Variants in CYSLTR1 observed in about 807,000 individuals in gnomAD.
CYSLTR1 encodes the protein cysteinyl leukotriene receptor 1.
A neutral mutation model predicts 2.1 loss-of-function variants in CYSLTR1; 1 was observed. The observed-to-expected ratio is 0.48, with a 90% CI of 0.17 to 2.28. CYSLTR1 has a LOEUF of 2.28. CYSLTR1 is among the 30% of genes most tolerant of loss of function. The probability of loss-of-function intolerance (pLI) is 0.26; values close to 1 mark genes in which losing one functional copy is unlikely to be tolerated. For synonymous variants in CYSLTR1, 110 were observed against 89.6 expected (o/e 1.23, Z -1.28); for missense variants, 299 against 250.1 (o/e 1.20, Z -1.32).
intron 1 of CYSLTR1, among the ~76,000 whole-genome samples, chrX:78,302,622 T>A (rs1922866074): frequency 1.8e-5 from 2 of 110,737 alleles, no homozygotes; most frequent in Admixed American, 9.6e-5. Context: ...AAGAGGTCTT[T>A]AGGTATTAGG....
At chrX:78,288,960 TTTC>T (rs1488685593) in intron 1 of CYSLTR1, among the ~76,000 whole-genome samples, 1 of 48,360 alleles carries the variant, frequency 2.1e-5, no homozygotes, top group Non-Finnish European at 5.3e-5. Context: ...ACATGCAATG[TTTC>T]TTTTTTTTTT....
chrX:78,320,964 T>G (rs1923629675), intron 1 of CYSLTR1: 1 of 111,714 alleles, frequency 9.0e-6, no homozygotes, highest in African/African-American at 3.3e-5. Context: ...TCACACCCAT[T>G]TAGACAGTAA....
At chrX:78,315,892 C>A (rs1923397774) in intron 1 of CYSLTR1, among the ~76,000 whole-genome samples, 1 of 111,737 alleles carries the variant, frequency 8.9e-6, no homozygotes, top group Admixed American at 9.4e-5. Flanking sequence ...GATTATAGAT[C>A]CCCAGGGCCT....
intron 1 of CYSLTR1, chrX:78,319,585 G>A (rs1266251534): frequency 9.0e-6 from 1 of 110,836 alleles, no homozygotes; most frequent in Non-Finnish European, 1.9e-5. Context: ...ATGTGTGCAT[G>A]TGTCTTTATA....
At chrX:78,322,635 C>G (rs765761401) in intron 1 of CYSLTR1, among the ~76,000 whole-genome samples, 4 of 112,031 alleles carry the variant, frequency 3.6e-5, no homozygotes, top group Non-Finnish European at 7.5e-5. Context: ...ATGATCCTTC[C>G]GTCTGTGATC....
chrX:78,272,928 C>A lies in CYSLTR1; in HGVS notation c.819G>T (p.Met273Ile). The change falls in exon 3 of 3, where the codon ATG becomes ATT. Residue 273 changes from methionine (M) to isoleucine (I), a missense_variant. Met to Ile is a conservative substitution (Grantham distance 10). Coordinates refer to ENST00000373304, the MANE Select transcript of CYSLTR1 (RefSeq NM_006639.4). ...ACAAGGTTATGACCACGGACTTCTGCATTCTAAGGACAGAATCACAGGGTT... is the reference window on the plus strand; with the variant it reads ...ACAAGGTTATGACCACGGACTTCTGAATTCTAAGGACAGAATCACAGGGTT... The part of the protein sequence containing the change: ...ETKPCDSVLR[M>I]QKSVVITLSL... 8.3e-7 allele frequency: 1 copy of A among 1,211,034 alleles called. No individual in the cohort carries two copies.
At position 78,272,570 on chromosome X, in the gene CYSLTR1, A is replaced by G; in HGVS notation, c.*163T>C. 2 of 436,739 alleles carry G rather than the reference A, an allele frequency of 4.6e-6. No individual in the cohort carries two copies. The highest frequency in any genetic ancestry group is 8.8e-5 in the East Asian group (2 of 22,808). 36.0% of individuals were successfully genotyped at this position (436,739 alleles called of 1,213,427 possible). A position where few individuals can be genotyped will look rare whatever the true frequency, so the allele number is the denominator to read the frequency against. On this transcript the variant is annotated 3_prime_UTR_variant, in exon 3 of 3. Transcript: ENST00000373304. Reference sequence around the variant, plus strand: ...ATTTTTAGCACTTAAAATATCTATAAATATCTAATCATGTGGATGCATAAA... The same window carrying G: ...ATTTTTAGCACTTAAAATATCTATAGATATCTAATCATGTGGATGCATAAA...
At chrX:78,310,329 A>T (rs1269280677) in intron 1 of CYSLTR1, among the ~76,000 whole-genome samples, 1 of 111,586 alleles carries the variant, frequency 9.0e-6, no homozygotes, top group Non-Finnish European at 1.9e-5. Flanking sequence ...CATTTTAGGG[A>T]TGGCAAAATG....
At chrX:78,293,195 T>A (rs1424920733) in intron 1 of CYSLTR1, among the ~76,000 whole-genome samples, 1 of 109,870 alleles carries the variant, frequency 9.1e-6, no homozygotes, top group East Asian at 2.8e-4. Flanking sequence ...TCTCTCAGCA[T>A]TTGCTTGTCT....
intron 1 of CYSLTR1, among the ~76,000 whole-genome samples, chrX:78,300,509 C>T (rs749134018): frequency 1.8e-5 from 2 of 112,902 alleles, no homozygotes; most frequent in Non-Finnish European, 3.7e-5. Flanking sequence ...TAGGGGGCAC[C>T]CCAAGCCCAG....
At chrX:78,276,144 T>C (rs1921579834) in intron 2 of CYSLTR1, among the ~76,000 whole-genome samples, 1 of 111,826 alleles carries the variant, frequency 8.9e-6, no homozygotes, top group Admixed American at 9.5e-5. Flanking sequence ...ATTTCTCTTA[T>C]AGGAAGGATT....
chrX:78,288,343 G>A (rs1040294924), intron 1 of CYSLTR1, among the ~76,000 whole-genome samples: 1 of 112,141 alleles, frequency 8.9e-6, no homozygotes. Context: ...AGTGTCTCCA[G>A]GTAGTCCCCA....
chrX:78,288,345 TA>T (rs778525913), intron 1 of CYSLTR1, among the ~76,000 whole-genome samples: 25 of 112,383 alleles, frequency 2.2e-4, no homozygotes, highest in Middle Eastern at 4.6e-3. Context: ...TGTCTCCAGG[TA>T]GTCCCCAGAC....
At chrX:78,284,908 T>C (rs2149186017) in intron 1 of CYSLTR1, among the ~76,000 whole-genome samples, 1 of 111,529 alleles carries the variant, frequency 9.0e-6, no homozygotes, top group Admixed American at 9.5e-5. Flanking sequence ...TTAGATCTTC[T>C]CCACTTTCTT....
intron 1 of CYSLTR1, among the ~76,000 whole-genome samples, chrX:78,287,461 G>A (rs1284216693): frequency 9.0e-6 from 1 of 111,622 alleles, no homozygotes; most frequent in Admixed American, 9.6e-5. Flanking sequence ...GGTGGTGAAA[G>A]TGTTCTAAAA....
At chrX:78,284,404 T>C (rs1206814502) in intron 1 of CYSLTR1, among the ~76,000 whole-genome samples, 3 of 111,338 alleles carry the variant, frequency 2.7e-5, no homozygotes, top group Non-Finnish European at 3.8e-5. Flanking sequence ...TTTAAAATTT[T>C]ATTTATTTTA....
chrX:78,318,568 C>G (rs1923513380), intron 1 of CYSLTR1, among the ~76,000 whole-genome samples: 1 of 112,104 alleles, frequency 8.9e-6, no homozygotes, highest in Admixed American at 9.4e-5. Flanking sequence ...AACTTTCATG[C>G]AAATAACAAA....
chrX:78,302,017 A>G (rs1922840365), intron 1 of CYSLTR1, among the ~76,000 whole-genome samples: 1 of 111,791 alleles, frequency 8.9e-6, no homozygotes, highest in Non-Finnish European at 1.9e-5. Flanking sequence ...TTACTATCAC[A>G]AGAACAGCAC....
chrX:78,275,468 C>G (rs952534551), intron 2 of CYSLTR1, among the ~76,000 whole-genome samples: 9 of 110,132 alleles, frequency 8.2e-5, no homozygotes, highest in Admixed American at 2.9e-4. Context: ...TCTCAGTAAA[C>G]TATTGCAACT....
Sources: allele counts gnomAD v4.1 joint callset (sites outside exome capture counted in the v4.1 genomes callset), GRCh38; gene constraint gnomAD v4.1.1; transcripts MANE v1.5; gene names NCBI Gene and HGNC (gene_info 2026-07-23, HGNC 2026-07-21).